The following OXNAD1 variants were observed in gnomAD, a reference collection of about 807,000 sequenced individuals.
OXNAD1 encodes the protein oxidoreductase NAD-binding domain-containing protein 1.
A neutral mutation model predicts 32.9 loss-of-function variants in OXNAD1; 34 were observed. The observed-to-expected ratio is 1.03, with a 90% CI of 0.79 to 1.38. The LOEUF is 1.38. Ranked by LOEUF, OXNAD1 falls within the 40% of genes most tolerant of loss-of-function variation. OXNAD1 has a pLI of 0.00. For missense variants in OXNAD1, 407 were observed against 379.4 expected, an observed-to-expected ratio of 1.07 and a Z score of -0.60; for synonymous variants, 134 against 135.2, an observed-to-expected ratio of 0.99 and a Z score of 0.06.
Position 16,303,142 on chromosome 3 carries a change from A to G in OXNAD1, c.785-266A>G, listed in dbSNP as rs530582411. ...GCTGAAGGCAATTTGTATCTCCATC[A>G]AAGACCAGTAAGCTAGCTGGCCCTT... On this transcript the variant is annotated intron_variant, in intron 8 of 8. Coordinates refer to ENST00000285083, the MANE Select transcript of OXNAD1 (RefSeq NM_138381.5). This position sits in a 1 kb window ranked among gnomAD's most constrained non-coding sequence, Gnocchi z 4.8. Among the ~76,000 whole-genome samples, 6 of 152,340 alleles carry G rather than the reference A, an allele frequency of 3.9e-5. No individual in the cohort carries two copies. The highest frequency in any genetic ancestry group is 1.4e-4 in the African/African-American group (6 of 41,574).
rs1218458605 is a variant in OXNAD1 at position 16,322,644 on chromosome 3, G to A, written c.*31-14468G>A. ...CACCACAGGCTGCTCAGGGTGGGGT[G>A]GGAAGCATCAGAATCATCTGGCACA... On this transcript the variant is annotated intron_variant, in intron 9 of 9. Transcript: ENST00000435829. This position sits in a 1 kb window ranked among gnomAD's most constrained non-coding sequence, Gnocchi z 6.2. 6.6e-6 allele frequency among the ~76,000 whole-genome samples: 1 copy of A among 152,200 alleles called. No individual in the cohort carries two copies.
In OXNAD1 at chr3:16,303,587, A is replaced by G. The variant is rs1045418747; in HGVS notation, c.*25A>G. 6.2e-7 allele frequency: 1 copy of G among 1,610,982 alleles called. No individual in the cohort carries two copies. Among genetic ancestry groups the G allele is most frequent in the Non-Finnish European group, 8.5e-7 (1 of 1,178,634 alleles). On this transcript the variant is annotated 3_prime_UTR_variant, in exon 9 of 9. Coordinates refer to ENST00000285083, the MANE Select transcript of OXNAD1 (RefSeq NM_138381.5). This position sits in a 1 kb window ranked among gnomAD's most constrained non-coding sequence, Gnocchi z 4.8. ...GGAGGCAGACAAAGGCAGAAAAAAT[A>G]AAGAGGTGAGATCTACTCAGGAGAG...
chr3:16,299,585 G>A lies in OXNAD1; in HGVS notation c.433-2041G>A, dbSNP rs2067033830. Among the ~76,000 whole-genome samples, 1 of 152,088 alleles carries A rather than the reference G, an allele frequency of 6.6e-6. No homozygotes were observed. Among genetic ancestry groups the A allele is most frequent in the Non-Finnish European group, 1.5e-5 (1 of 68,024 alleles). ...ATTCAAATAATTTTCATTTTTCTTA[G>A]ATCTTCTCTAAATTTAACTCAACTT... On this transcript the variant is annotated intron_variant, in intron 6 of 8. Transcript: ENST00000285083. This position sits in a 1 kb window ranked among gnomAD's most constrained non-coding sequence, Gnocchi z 4.4.
chr3:16,343,376 T>C lies in OXNAD1; in HGVS notation c.*31-5800T>C, dbSNP rs887681094. ...TTTCCCTTACAATCAACAAAAACAGTCTACTTCCTTCCTCATAAGTCAGCC... is the reference window on the plus strand; with the variant it reads ...TTTCCCTTACAATCAACAAAAACAGCCTACTTCCTTCCTCATAAGTCAGCC... On this transcript the variant is annotated intron_variant, in intron 9 of 9. Coordinates refer to the OXNAD1 transcript ENST00000606098. Among the ~76,000 whole-genome samples the C allele has an allele frequency of 9.9e-5, 15 of 152,212 alleles. 1 individual carries two copies. Among genetic ancestry groups the C allele is most frequent in the Admixed American group, 3.3e-4 (5 of 15,284 alleles).
intron 1 of OXNAD1, among the ~76,000 whole-genome samples, chr3:16,266,602 C>CAAAAA (rs77883979): frequency 3.8e-4 from 28 of 73,038 alleles, no homozygotes; most frequent in East Asian, 8.7e-4. Context: ...GACGCTGTCT[C>CAAAAA]AAAAAAAAAA....
rs1407874269 is a variant in OXNAD1 at position 16,346,991 on chromosome 3, T to C, written c.*31-2185T>C. 6.6e-6 allele frequency among the ~76,000 whole-genome samples: 1 copy of C among 152,216 alleles called. No homozygotes were observed. The highest frequency in any genetic ancestry group is 1.5e-5 in the Non-Finnish European group (1 of 68,024). On this transcript the variant is annotated intron_variant, in intron 9 of 9. Transcript: ENST00000606098. The surrounding 1 kb of genome is among the most constrained non-coding windows in gnomAD (Gnocchi z 4.4). ...GAACACCCCTACGGCTTAAGCCACT[T>C]TTAGTTGGATTTCCTGCTATGAACG...
At chr3:16,307,258 ATGTTCAGCT>A (rs1380457776), downstream of OXNAD1, among the ~76,000 whole-genome samples, 2 of 152,278 alleles carry the variant, frequency 1.3e-5, no homozygotes, top group East Asian at 3.9e-4. Context: ...CAATTTTTTG[ATGTTCAGCT>A]TGTTTTAGGT....
rs551875198 is a variant in OXNAD1, at chr3:16,312,006, C to T, written c.*30+8414C>T. Among the ~76,000 whole-genome samples, 100 of 152,216 alleles carry T rather than the reference C, an allele frequency of 6.6e-4. No individual in the cohort carries two copies. The highest frequency in any genetic ancestry group is 1.1e-3 in the Non-Finnish European group (76 of 68,038). ...ACAGGTCTCTCCCGTAGCCTGGCTT[C>T]CTCTGCTGGAGGGACATGCCGCTGT... On this transcript the variant is annotated intron_variant, in intron 9 of 9. Transcript: ENST00000435829. The surrounding 1 kb of genome is among the most constrained non-coding windows in gnomAD (Gnocchi z 4.7).
Position 16,301,652 on chromosome 3 carries a change from G to C in OXNAD1, c.459G>C (p.Val153=). The C allele has an allele frequency of 1.2e-6, 2 of 1,613,914 alleles. No individual in the cohort carries two copies. Among genetic ancestry groups the C allele is most frequent in the South Asian group, 2.2e-5 (2 of 91,076 alleles). The part of the protein sequence containing the change: ...NTCTLDCEVA[V]RVGGEFFFDP... The stretch of plus-strand genomic sequence containing the variant: ...GTACACTTGACTGTGAAGTGGCTGT[G>C]AGAGTGGGTGGAGAGTTCTTCTTTG... Residue 153 remains valine, a synonymous_variant, in exon 7 of 9, where the codon GTG becomes GTC. Transcript: ENST00000285083. This position sits in a 1 kb window ranked among gnomAD's most constrained non-coding sequence, Gnocchi z 4.1.
rs964982333 is a variant in OXNAD1 at position 16,301,485 on chromosome 3, A to C, written c.433-141A>C. 186 of 967,468 alleles carry C rather than the reference A, an allele frequency of 1.9e-4. No homozygotes were observed. Among genetic ancestry groups the C allele is most frequent in the Non-Finnish European group, 2.6e-4 (173 of 661,314 alleles). The allele number at this position is 967,468 out of a possible 1,614,324, so 59.9% of individuals were successfully genotyped here. On this transcript the variant is annotated intron_variant, in intron 6 of 8. Coordinates refer to ENST00000285083, the MANE Select transcript of OXNAD1 (RefSeq NM_138381.5). This position sits in a 1 kb window ranked among gnomAD's most constrained non-coding sequence, Gnocchi z 4.1. ...AGCAAGTGGAATCAATTCACAGGGC[A>C]TCGGGAAAATTGGGAGCAAGCTATA...
At chr3:16,331,023 T>C (rs1357781339) in intron 9 of OXNAD1, among the ~76,000 whole-genome samples, 1 of 152,242 alleles carries the variant, frequency 6.6e-6, no homozygotes. Flanking sequence ...TTATACATGA[T>C]TGTAAATGAA....
At chr3:16,326,668 C>T in intron 9 of OXNAD1, 2 of 848,004 alleles carry the variant, frequency 2.4e-6, no homozygotes, top group Non-Finnish European at 1.8e-6. Flanking sequence ...CTACCAGCCT[C>T]TTGCACAGGA....
rs1036170055 is a variant in OXNAD1, at chr3:16,335,831, C to G, written c.*31-1281C>G. ...CACACCATCAAATATCTCAAGAGGG[C>G]AAGTCACAAGGAGCCTGGAAACTGG... On this transcript the variant is annotated intron_variant, in intron 9 of 9. Transcript: ENST00000435829. The surrounding 1 kb of genome is among the most constrained non-coding windows in gnomAD (Gnocchi z 4.7). Among the ~76,000 whole-genome samples, 1 of 150,688 alleles carries G rather than the reference C, an allele frequency of 6.6e-6. No individual in the cohort carries two copies. The highest frequency in any genetic ancestry group is 2.1e-4 in the South Asian group (1 of 4,744).
rs2071494195 is a variant in OXNAD1, at chr3:16,344,265, A to G, written c.*31-4911A>G. 1.3e-5 allele frequency among the ~76,000 whole-genome samples: 2 copies of G among 152,128 alleles called. No individual in the cohort carries two copies. The highest frequency in any genetic ancestry group is 4.1e-4 in the South Asian group (2 of 4,822). ...ATATACTAAGAAGTAACAGATTGGA[A>G]GGGGTTTAAGAAGTCAGGGAAACCT... On this transcript the variant is annotated intron_variant, in intron 9 of 9. Transcript: ENST00000606098. The surrounding 1 kb of genome is among the most constrained non-coding windows in gnomAD (Gnocchi z 4.4).
rs930579253 is a variant in OXNAD1 at position 16,329,623 on chromosome 3, C to G, written c.*31-7489C>G. On this transcript the variant is annotated intron_variant, in intron 9 of 9. Coordinates refer to the OXNAD1 transcript ENST00000435829. The surrounding 1 kb of genome is among the most constrained non-coding windows in gnomAD (Gnocchi z 4.5). Reference sequence around the variant, plus strand: ...ACGCTCACCACCTGCTGAAGGAGTCCTGAGGCTGCTTTATCCTGAGAATCC... The same window carrying G: ...ACGCTCACCACCTGCTGAAGGAGTCGTGAGGCTGCTTTATCCTGAGAATCC... Among the ~76,000 whole-genome samples, 1 of 152,160 alleles carries G rather than the reference C, an allele frequency of 6.6e-6. No individual in the cohort carries two copies. The highest frequency in any genetic ancestry group is 1.5e-5 in the Non-Finnish European group (1 of 68,018).
intron 6 of OXNAD1, among the ~76,000 whole-genome samples, chr3:16,295,944 A>AG (rs1188531132): frequency 6.6e-5 from 10 of 152,236 alleles, no homozygotes; most frequent in African/African-American, 2.4e-4. Flanking sequence ...GGGTTTCTGT[A>AG]GGAGCCACAT....
At chr3:16,296,045 G>T (rs1023967294) in intron 6 of OXNAD1, among the ~76,000 whole-genome samples, 2 of 152,100 alleles carry the variant, frequency 1.3e-5, no homozygotes, top group African/African-American at 2.4e-5. Context: ...TACAGCTCTT[G>T]CCTGCAAAGA....
chr3:16,283,298 G>C (rs557276667), intron 4 of OXNAD1, among the ~76,000 whole-genome samples: 2 of 152,282 alleles, frequency 1.3e-5, no homozygotes, highest in South Asian at 4.1e-4. Context: ...AATGACTTTG[G>C]TGGATTTCGT....
At chr3:16,319,924 C>T (rs1220893857) in intron 9 of OXNAD1, among the ~76,000 whole-genome samples, 2 of 152,138 alleles carry the variant, frequency 1.3e-5, no homozygotes, top group Admixed American at 1.3e-4. Context: ...GGGGGAGTCT[C>T]TGAGCTTAAC....
Sources: gnomAD v4.1 joint callset for allele counts (sites outside exome capture counted in the v4.1 genomes callset) on GRCh38, gnomAD v4.1.1 for gene constraint, Gnocchi (gnomAD v3.1) non-coding constraint, MANE v1.5 for transcripts, NCBI Gene and HGNC (gene_info 2026-07-23, HGNC 2026-07-21) for gene names.